Variants in TRMT44 observed in about 807,000 individuals in gnomAD.
TRMT44 encodes the protein probable tRNA (uracil-O(2)-)-methyltransferase.
A neutral mutation model predicts 77.3 loss-of-function variants in TRMT44; 78 were observed. The observed-to-expected ratio is 1.01, with a 90% CI of 0.84 to 1.22. The LOEUF is 1.22. Among genes scored for constraint, TRMT44 ranks in the 50% most tolerant of loss-of-function variants. The probability of loss-of-function intolerance (pLI) is 0.00; values close to 1 mark genes in which losing one functional copy is unlikely to be tolerated. For synonymous variants in TRMT44, 391 were observed against 383.3 expected (o/e 1.02, Z -0.23); for missense variants, 1,090 against 964.4 (o/e 1.13, Z -1.73).
At position 8,444,535 on chromosome 4, in the gene TRMT44, T is replaced by TCACA. The variant is rs1724944928; in HGVS notation, c.620-1941_620-1940insCACA. Among the ~76,000 whole-genome samples, 1 of 151,974 alleles carries TCACA rather than the reference T, an allele frequency of 6.6e-6. No individual in the cohort carries two copies. The highest frequency in any genetic ancestry group is 2.4e-5 in the African/African-American group (1 of 41,348). On this transcript the variant is annotated intron_variant, in intron 1 of 10. Transcript: ENST00000389737. This position sits in a 1 kb window ranked among gnomAD's most constrained non-coding sequence, Gnocchi z 4.0. ...AACTTAGCCTCCCAAGCAGCTGGGA[T>TCACA]TACAGGCATGTGCCACGACGCCCAG...
chr4:8,464,345 T>G (rs898737941), intron 7 of TRMT44, among the ~76,000 whole-genome samples: 1 of 152,360 alleles, frequency 6.6e-6, no homozygotes, highest in South Asian at 2.1e-4. Context: ...ATTATATCTC[T>G]GTTGGCCAGC....
chr4:8,495,653 T>G (rs1314364368), downstream of TRMT44, among the ~76,000 whole-genome samples: 1 of 152,196 alleles, frequency 6.6e-6, no homozygotes, highest in Non-Finnish European at 1.5e-5. Flanking sequence ...TCATATCTCC[T>G]TCCAGAATCA....
chr4:8,463,279 A>C (rs1726288476), intron 6 of TRMT44, among the ~76,000 whole-genome samples: 1 of 152,134 alleles, frequency 6.6e-6, no homozygotes, highest in Admixed American at 6.5e-5. Flanking sequence ...TGCTATTGAA[A>C]CTGTTGATTT....
chr4:8,494,380 G>T (rs1246017345), downstream of TRMT44, among the ~76,000 whole-genome samples: 1 of 152,136 alleles, frequency 6.6e-6, no homozygotes, highest in Non-Finnish European at 1.5e-5. Flanking sequence ...TCATCCCTCT[G>T]CTCACCTGAG....
At chr4:8,474,691 G>C (rs535635347) in intron 10 of TRMT44, among the ~76,000 whole-genome samples, 2 of 152,304 alleles carry the variant, frequency 1.3e-5, no homozygotes, top group East Asian at 1.9e-4. Flanking sequence ...TTATTCCCCC[G>C]AGCCTTCTGT....
chr4:8,474,498 C>T (rs948839601), intron 10 of TRMT44, among the ~76,000 whole-genome samples: 4 of 152,332 alleles, frequency 2.6e-5, no homozygotes, highest in Middle Eastern at 3.4e-3. Flanking sequence ...CCAACTGTGG[C>T]GCCGTTCTCT....
chr4:8,470,632 A>G (rs778389382), intron 9 of TRMT44, among the ~76,000 whole-genome samples: 20 of 152,034 alleles, frequency 1.3e-4, no homozygotes, highest in Non-Finnish European at 2.9e-4. Flanking sequence ...CTTGCTGGCC[A>G]CCCTAGAGCC....
chr4:8,464,175 C>T, intron 7 of TRMT44, 84 bp downstream of exon 7: 1 of 1,057,094 alleles, frequency 9.5e-7, no homozygotes, highest in Non-Finnish European at 1.4e-6. Context: ...TAGCCACTAG[C>T]TGCGTGCAGT....
At chr4:8,450,893 G>A (rs578182735) in intron 3 of TRMT44, among the ~76,000 whole-genome samples, 1 of 149,464 alleles carries the variant, frequency 6.7e-6, no homozygotes, top group Non-Finnish European at 1.5e-5. Context: ...AACCTCCCGG[G>A]CTCAAGCGAT....
intron 2 of TRMT44, among the ~76,000 whole-genome samples, chr4:8,492,706 A>G (rs1367983301): frequency 6.6e-6 from 1 of 152,230 alleles, no homozygotes; most frequent in Non-Finnish European, 1.5e-5. Context: ...CAGAACTCAA[A>G]GCCACCTCTG....
At chr4:8,475,685 C>G in intron 10 of TRMT44, 87 bp from the exon 11 acceptor site, 1 of 1,289,948 alleles carries the variant, frequency 7.8e-7, no homozygotes, top group Non-Finnish European at 1.1e-6. Context: ...TTGGCACCTC[C>G]CGTGGCGTGG....
In TRMT44 at chr4:8,459,077, C is replaced by G. The variant is rs150992811; in HGVS notation, c.1203+4264C>G. Among the ~76,000 whole-genome samples, 892 of 152,190 alleles carry G rather than the reference C, an allele frequency of 5.9e-3. 12 individuals carry two copies. The highest frequency in any genetic ancestry group is 0.02 in the African/African-American group (844 of 41,538). ...ATTAGCTGGACATGGTGGCATGCAC[C>G]TGTAGTCCCAGCTACGCGGGAGGCT... On this transcript the variant is annotated intron_variant, in intron 6 of 10. Transcript: ENST00000389737.
At chr4:8,470,456 A>G (rs1726906300) in intron 9 of TRMT44, among the ~76,000 whole-genome samples, 2 of 152,270 alleles carry the variant, frequency 1.3e-5, no homozygotes, top group Non-Finnish European at 2.9e-5. Context: ...ACCAGCTTTC[A>G]TTCATATCCA....
At chr4:8,482,339 GTCC>G (rs1727643434) in intron 2 of TRMT44, 1 of 152,268 alleles carries the variant, frequency 6.6e-6, no homozygotes, top group Non-Finnish European at 1.5e-5. Flanking sequence ...ACTCTTGCGT[GTCC>G]TCCTCTGGAT....
chr4:8,483,508 G>A lies in TRMT44; in HGVS notation n.3891+3975G>A, dbSNP rs1385905804. On this transcript the variant is annotated intron_variant and non_coding_transcript_variant, in intron 2 of 2. Transcript: ENST00000511366. ...GTCTATACAGGAGCTCAAATGGGCT[G>A]TACCCTGTAGCATTCTGAGGACAGG... is the stretch of plus-strand genomic sequence containing the variant. Among the ~76,000 whole-genome samples the A allele has an allele frequency of 2.0e-5, 3 of 152,276 alleles. No individual in the cohort carries two copies. The South Asian group carries it at 6.2e-4, about 32-fold the overall frequency.
chr4:8,473,125 T>A (rs1727133393), intron 10 of TRMT44, among the ~76,000 whole-genome samples: 2 of 152,236 alleles, frequency 1.3e-5, no homozygotes, highest in Non-Finnish European at 2.9e-5. Context: ...AGGTTTTGTT[T>A]TAAGCTAACG....
At chr4:8,468,873 A>G (rs1726789235) in intron 9 of TRMT44, among the ~76,000 whole-genome samples, 1 of 152,248 alleles carries the variant, frequency 6.6e-6, no homozygotes, top group Non-Finnish European at 1.5e-5. Flanking sequence ...AACGGCATTC[A>G]GAGAGCCAGC....
chr4:8,480,589 T>C (rs56786736), downstream of TRMT44, among the ~76,000 whole-genome samples: 17,403 of 152,234 alleles, frequency 0.11, 1,000 homozygotes, highest in African/African-American at 0.13. Flanking sequence ...TGAGATTTTA[T>C]TGGAAGCCGC....
intron 2 of TRMT44, among the ~76,000 whole-genome samples, chr4:8,447,512 C>T (rs1349304580): frequency 3.3e-5 from 5 of 152,038 alleles, no homozygotes; most frequent in African/African-American, 1.2e-4. Context: ...AGGGATGTGG[C>T]GAGAAGAGCA....
Sources: allele counts gnomAD v4.1 joint callset (sites outside exome capture counted in the v4.1 genomes callset), GRCh38; gene constraint gnomAD v4.1.1; non-coding constraint Gnocchi (gnomAD v3.1); transcripts MANE v1.5; gene names NCBI Gene and HGNC (gene_info 2026-07-23, HGNC 2026-07-21).